KCNH7: variants seen among roughly 807,000 people sequenced by gnomAD.
KCNH7 encodes voltage-gated inwardly rectifying potassium channel KCNH7.
KCNH7 carries 49 observed loss-of-function variants against 120.8 expected under a neutral mutation model. The ratio of observed to expected loss-of-function variants is 0.41; its 90% CI spans 0.32 to 0.51. The LOEUF (loss-of-function observed/expected upper bound fraction) is 0.51, where lower values mean the gene tolerates loss of function less well. Among genes scored for constraint, KCNH7 ranks in the 20% least tolerant of loss-of-function variants. The probability of loss-of-function intolerance (pLI) is 0.38; values close to 1 mark genes in which losing one functional copy is unlikely to be tolerated. For missense variants in KCNH7, 1,097 were observed against 1,446.6 expected, an observed-to-expected ratio of 0.76 and a Z score of 3.92; for synonymous variants, 547 against 516.1, an observed-to-expected ratio of 1.06 and a Z score of -0.81.
intron 6 of KCNH7, among the ~76,000 whole-genome samples, chr2:162,484,639 T>C (rs1396994484): frequency 2.0e-5 from 3 of 152,170 alleles, no homozygotes; most frequent in East Asian, 3.9e-4. Flanking sequence ...CTAAAATTCA[T>C]TTTGAAATTT....
chr2:162,669,224 G>A (rs1421187204), intron 2 of KCNH7, among the ~76,000 whole-genome samples: 2 of 152,130 alleles, frequency 1.3e-5, no homozygotes, highest in South Asian at 2.1e-4. Flanking sequence ...AGATGTGACT[G>A]TTTAAACTCA....
At chr2:162,609,061 A>C (rs959627575) in intron 2 of KCNH7, among the ~76,000 whole-genome samples, 6 of 152,052 alleles carry the variant, frequency 3.9e-5, no homozygotes, top group Admixed American at 1.3e-4. Context: ...GCCCCCCAAC[A>C]CACACACACT....
intron 2 of KCNH7, among the ~76,000 whole-genome samples, chr2:162,676,050 A>G (rs1685519816): frequency 6.6e-6 from 1 of 151,502 alleles, no homozygotes; most frequent in African/African-American, 2.4e-5. Context: ...GTTTGATAAG[A>G]AGGCAGTGCT....
chr2:162,723,089 A>T (rs994433517), intron 2 of KCNH7, among the ~76,000 whole-genome samples: 5 of 151,624 alleles, frequency 3.3e-5, no homozygotes, highest in Admixed American at 2.0e-4. Context: ...TAAAGATGCT[A>T]TTTTATTTAT....
At chr2:162,391,674 C>T (rs879657216) in intron 12 of KCNH7, among the ~76,000 whole-genome samples, 8 of 152,000 alleles carry the variant, frequency 5.3e-5, no homozygotes, top group Non-Finnish European at 8.8e-5. Flanking sequence ...TGTGACATTG[C>T]TCTCAGGGCC....
intron 6 of KCNH7, among the ~76,000 whole-genome samples, chr2:162,452,518 C>A (rs1022586808): frequency 6.6e-6 from 1 of 151,960 alleles, no homozygotes; most frequent in African/African-American, 2.4e-5. Flanking sequence ...TGGACACAAC[C>A]CCAATTTTGC....
At chr2:162,451,733 A>T (rs933683817) in intron 6 of KCNH7, among the ~76,000 whole-genome samples, 8 of 151,988 alleles carry the variant, frequency 5.3e-5, no homozygotes, top group African/African-American at 1.9e-4. Context: ...AAATAAATAG[A>T]TATGTTCTCT....
chr2:162,567,759 A>G (rs1266593487), intron 2 of KCNH7, among the ~76,000 whole-genome samples: 2 of 152,078 alleles, frequency 1.3e-5, no homozygotes, highest in Non-Finnish European at 2.9e-5. Flanking sequence ...AAATGTATGT[A>G]TGAAACAATG....
intron 2 of KCNH7, among the ~76,000 whole-genome samples, chr2:162,788,988 T>TAAAAAAAAAAAAA (rs61348204): frequency 9.5e-6 from 1 of 105,164 alleles, no homozygotes; most frequent in Non-Finnish European, 1.9e-5. Context: ...AGGTACTGGT[T>TAAAAAAAAAAAAA]AAAAAAAAAA....
chr2:162,762,208 G>GT (rs1252887853), intron 2 of KCNH7, among the ~76,000 whole-genome samples: 1 of 150,098 alleles, frequency 6.7e-6, no homozygotes, highest in African/African-American at 2.5e-5. Flanking sequence ...TTTTTTGTTT[G>GT]TTTGTTTTTT....
At chr2:162,696,137 C>T (rs983904497) in intron 2 of KCNH7, among the ~76,000 whole-genome samples, 21 of 152,062 alleles carry the variant, frequency 1.4e-4, no homozygotes, top group African/African-American at 4.3e-4. Context: ...AAAACTAAGG[C>T]TTTGCTTACT....
chr2:162,634,590 T>C (rs1251404676), intron 2 of KCNH7, among the ~76,000 whole-genome samples: 8 of 152,012 alleles, frequency 5.3e-5, no homozygotes, highest in East Asian at 1.9e-4. Context: ...CAGGTGAGCA[T>C]TGTAATCTCT....
At chr2:162,559,054 CAAAAAAAAAAA>C (rs780823559) in intron 2 of KCNH7, among the ~76,000 whole-genome samples, 1 of 37,180 alleles carries the variant, frequency 2.7e-5, no homozygotes, top group African/African-American at 1.1e-4. Context: ...GACTCTGCCT[CAAAAAAAAAAA>C]AAAAAAAAAA....
intron 14 of KCNH7, 78 bp from the exon 15 acceptor site, chr2:162,373,740 C>T (rs542519044): frequency 3.0e-6 from 3 of 997,846 alleles, no homozygotes; most frequent in South Asian, 5.6e-5. Context: ...AATTTCAGCA[C>T]TACCAAGAAA....
intron 9 of KCNH7, among the ~76,000 whole-genome samples, chr2:162,419,970 C>T (rs1448325534): frequency 6.6e-6 from 1 of 152,164 alleles, no homozygotes; most frequent in Non-Finnish European, 1.5e-5. Context: ...AAAAATATCT[C>T]TTCACTCCTA....
chr2:162,677,390 A>G (rs1685563024), intron 2 of KCNH7, among the ~76,000 whole-genome samples: 1 of 151,472 alleles, frequency 6.6e-6, no homozygotes, highest in South Asian at 2.1e-4. Flanking sequence ...ACAGAGTGCC[A>G]TCAACACTGA....
intron 2 of KCNH7, among the ~76,000 whole-genome samples, chr2:162,708,092 C>T (rs796963903): frequency 1.3e-4 from 19 of 151,978 alleles, no homozygotes; most frequent in African/African-American, 4.1e-4. Context: ...AATTTATCTC[C>T]CTTCTACAAT....
At chr2:162,433,387 G>A (rs913115909) in intron 8 of KCNH7, among the ~76,000 whole-genome samples, 5 of 151,932 alleles carry the variant, frequency 3.3e-5, no homozygotes, top group African/African-American at 1.2e-4. Context: ...TATACTATAA[G>A]GTCACAGTAA....
intron 2 of KCNH7, among the ~76,000 whole-genome samples, chr2:162,781,776 G>T (rs1683502351): frequency 6.6e-6 from 1 of 152,118 alleles, no homozygotes; most frequent in Admixed American, 6.6e-5. Context: ...GTTTCAGGGG[G>T]TCAGTTAGAA....
Sources: allele counts gnomAD v4.1 joint callset (sites outside exome capture counted in the v4.1 genomes callset), GRCh38; gene constraint gnomAD v4.1.1; transcripts MANE v1.5; gene names NCBI Gene and HGNC (gene_info 2026-07-23, HGNC 2026-07-21).